The following THSD7B variants were observed in gnomAD, a reference collection of about 807,000 sequenced individuals.
THSD7B encodes the protein thrombospondin type-1 domain-containing protein 7B.
Under a neutral mutation model 213.6 loss-of-function variants are expected in THSD7B, and 138 were observed. The observed-to-expected ratio is 0.65, with a 90% CI of 0.56 to 0.74. The LOEUF (loss-of-function observed/expected upper bound fraction) is 0.74, where lower values mean the gene tolerates loss of function less well. Ranked by LOEUF, THSD7B falls within the 30% of genes least tolerant of loss-of-function variation. THSD7B has a pLI of 0.00. For synonymous variants in THSD7B, 742 were observed against 687.0 expected, an observed-to-expected ratio of 1.08 and a Z score of -1.25; for missense variants, 1,931 against 1,991.5, an observed-to-expected ratio of 0.97 and a Z score of 0.58.
At chr2:137,111,391 A>G (rs1307267160) in intron 4 of THSD7B, among the ~76,000 whole-genome samples, 4 of 152,152 alleles carry the variant, frequency 2.6e-5, no homozygotes, top group Admixed American at 6.5e-5. Flanking sequence ...GATTGAGTAA[A>G]TGGGTTTGCC....
intron 2 of THSD7B, among the ~76,000 whole-genome samples, chr2:137,001,342 T>TCTTTTTCTGTCCTCTCATAGGAAGCA (rs1685994857): frequency 1.3e-5 from 2 of 152,130 alleles, no homozygotes; most frequent in African/African-American, 4.8e-5. Context: ...GCCACCCACA[T>TCTTTTTCTGTCCTCTCATAGGAAGCA]CTTTTTCTGT....
chr2:137,232,554 T>C (rs1244797772), intron 8 of THSD7B, among the ~76,000 whole-genome samples: 1 of 152,178 alleles, frequency 6.6e-6, no homozygotes, highest in Non-Finnish European at 1.5e-5. Flanking sequence ...AACTGGCTAA[T>C]ACATGAATAT....
intron 21 of THSD7B, among the ~76,000 whole-genome samples, chr2:137,652,706 T>C (rs1683163157): frequency 6.6e-6 from 1 of 152,114 alleles, no homozygotes; most frequent in Non-Finnish European, 1.5e-5. Context: ...TTACTTCTGG[T>C]AAACCTATCA....
chr2:137,314,669 G>A (rs911065656), intron 12 of THSD7B, among the ~76,000 whole-genome samples: 2 of 152,194 alleles, frequency 1.3e-5, no homozygotes, highest in Non-Finnish European at 2.9e-5. Flanking sequence ...TGATAGTGAT[G>A]TACAGATGAG....
intron 2 of THSD7B, among the ~76,000 whole-genome samples, chr2:136,974,965 TTCA>T (rs1224545376): frequency 6.6e-6 from 1 of 152,216 alleles, no homozygotes; most frequent in African/African-American, 2.4e-5. Context: ...TTGAGGTTTT[TTCA>T]TATGTTTTTT....
At chr2:137,579,324 G>C (rs950179935) in intron 17 of THSD7B, among the ~76,000 whole-genome samples, 2 of 152,096 alleles carry the variant, frequency 1.3e-5, no homozygotes, top group Non-Finnish European at 2.9e-5. Flanking sequence ...CTGAGACATT[G>C]GTTTTTTCCT....
intron 2 of THSD7B, among the ~76,000 whole-genome samples, chr2:137,051,936 T>C (rs150234344): frequency 4.3e-4 from 65 of 152,296 alleles, no homozygotes; most frequent in Middle Eastern, 3.4e-3. Context: ...TGTTGGGTGA[T>C]GCATGCCCCC....
intron 15 of THSD7B, among the ~76,000 whole-genome samples, chr2:137,524,198 A>C (rs891709773): frequency 1.2e-4 from 18 of 152,048 alleles, no homozygotes; most frequent in African/African-American, 3.9e-4. Flanking sequence ...TATAAATAAG[A>C]TATTCAGTAA....
intron 17 of THSD7B, among the ~76,000 whole-genome samples, chr2:137,586,420 C>T (rs1182707644): frequency 6.6e-6 from 1 of 152,156 alleles, no homozygotes; most frequent in Admixed American, 6.6e-5. Flanking sequence ...GATGCAATTT[C>T]TTCCTAGCAT....
intron 13 of THSD7B, 87 bp downstream of exon 13, chr2:137,405,894 A>G: frequency 8.1e-7 from 1 of 1,236,684 alleles, no homozygotes; most frequent in Non-Finnish European, 1.1e-6. Context: ...AAGGACAGGA[A>G]TTTGCATCAG....
chr2:137,642,701 T>C (rs2104862797), intron 21 of THSD7B, 68 bp downstream of exon 21: 2 of 1,535,488 alleles, frequency 1.3e-6, no homozygotes, highest in East Asian at 2.3e-5. Flanking sequence ...TGGTCAAACC[T>C]ATGCGCTGAT....
At chr2:137,346,238 T>C (rs965090498) in intron 12 of THSD7B, among the ~76,000 whole-genome samples, 8 of 151,670 alleles carry the variant, frequency 5.3e-5, no homozygotes, top group African/African-American at 1.9e-4. Flanking sequence ...ACTGAAACGT[T>C]ATACTCCTTT....
At chr2:137,427,495 TAATGA>T (rs1687085479) in intron 14 of THSD7B, among the ~76,000 whole-genome samples, 1 of 151,876 alleles carries the variant, frequency 6.6e-6, no homozygotes, top group Non-Finnish European at 1.5e-5. Flanking sequence ...TGTGTGTGTG[TAATGA>T]AATATTATTC....
intron 12 of THSD7B, among the ~76,000 whole-genome samples, chr2:137,361,768 G>C (rs1333613079): frequency 6.6e-6 from 1 of 152,208 alleles, no homozygotes; most frequent in Admixed American, 6.5e-5. Context: ...TGGTGTACCT[G>C]AAAGTGACGG....
At chr2:137,277,210 T>C (rs1262517539) in intron 12 of THSD7B, among the ~76,000 whole-genome samples, 2 of 152,060 alleles carry the variant, frequency 1.3e-5, no homozygotes, top group Admixed American at 6.6e-5. Flanking sequence ...CAAAACCATT[T>C]AGTAAATTCT....
intron 15 of THSD7B, among the ~76,000 whole-genome samples, chr2:137,558,869 C>T (rs1558839109): frequency 6.6e-6 from 1 of 152,212 alleles, no homozygotes; most frequent in Non-Finnish European, 1.5e-5. Context: ...AGCAAAGTCT[C>T]AGGATACAAA....
intron 5 of THSD7B, among the ~76,000 whole-genome samples, chr2:137,117,933 A>G (rs990001727): frequency 2.0e-5 from 3 of 152,180 alleles, no homozygotes; most frequent in Non-Finnish European, 4.4e-5. Flanking sequence ...GTGATGTCTC[A>G]TTCCTCACTG....
intron 1 of THSD7B, among the ~76,000 whole-genome samples, chr2:136,872,622 CT>C (rs1248250297): frequency 2.3e-5 from 3 of 131,880 alleles, no homozygotes; most frequent in African/African-American, 8.4e-5. Context: ...TCTTCTTTCT[CT>C]TTCTTTTCTT....
chr2:137,214,017 A>G (rs1167617901), intron 7 of THSD7B, among the ~76,000 whole-genome samples: 1 of 152,148 alleles, frequency 6.6e-6, no homozygotes, highest in Non-Finnish European at 1.5e-5. Flanking sequence ...TCATTTAATA[A>G]TAATAATGGT....
Sources: allele counts gnomAD v4.1 joint callset (sites outside exome capture counted in the v4.1 genomes callset), GRCh38; gene constraint gnomAD v4.1.1; transcripts MANE v1.5; gene names NCBI Gene and HGNC (gene_info 2026-07-23, HGNC 2026-07-21).